CNTNAP2: variants seen among roughly 807,000 people sequenced by gnomAD.
The protein encoded by CNTNAP2 is contactin-associated protein-like 2.
In CNTNAP2, 98 loss-of-function variants were observed where a neutral mutation model predicts 155.2. The observed-to-expected ratio is 0.63, with a 90% CI of 0.54 to 0.75. The LOEUF (loss-of-function observed/expected upper bound fraction) is 0.75, where lower values mean the gene tolerates loss of function less well. Ranked by LOEUF, CNTNAP2 falls within the 30% of genes least tolerant of loss-of-function variation. The pLI is 0.00. For missense variants in CNTNAP2, 1,727 were observed against 1,688.1 expected (o/e 1.02, Z -0.40); for synonymous variants, 651 against 631.2 (o/e 1.03, Z -0.47).
At chr7:146,396,407 AT>A (rs957790921) in intron 1 of CNTNAP2, among the ~76,000 whole-genome samples, 16 of 152,072 alleles carry the variant, frequency 1.1e-4, no homozygotes, top group African/African-American at 3.9e-4. Context: ...AACGAATCTT[AT>A]GGTTTTTATT....
intron 11 of CNTNAP2, among the ~76,000 whole-genome samples, chr7:147,523,589 T>G (rs1371655290): frequency 1.3e-5 from 2 of 152,126 alleles, no homozygotes; most frequent in African/African-American, 2.4e-5. Flanking sequence ...AATTTCCTCT[T>G]CCAGGAAGCT....
intron 6 of CNTNAP2, among the ~76,000 whole-genome samples, chr7:147,124,760 G>A (rs906704193): frequency 2.0e-5 from 3 of 151,934 alleles, no homozygotes; most frequent in Non-Finnish European, 4.4e-5. Context: ...GCACAGCACT[G>A]CTAGCGTAAA....
At chr7:147,712,265 T>C (rs1382445436) in intron 13 of CNTNAP2, among the ~76,000 whole-genome samples, 1 of 152,174 alleles carries the variant, frequency 6.6e-6, no homozygotes, top group Non-Finnish European at 1.5e-5. Context: ...GGAGAGGATG[T>C]GGAGAAATAG....
chr7:146,253,721 A>G (rs1799792426), intron 1 of CNTNAP2, among the ~76,000 whole-genome samples: 1 of 152,196 alleles, frequency 6.6e-6, no homozygotes, highest in Admixed American at 6.5e-5. Context: ...AAAATTTAAA[A>G]TGTAAAAAAT....
At chr7:146,297,573 G>C (rs372167710) in intron 1 of CNTNAP2, among the ~76,000 whole-genome samples, 7 of 152,164 alleles carry the variant, frequency 4.6e-5, no homozygotes, top group African/African-American at 1.7e-4. Flanking sequence ...GCAGGAAAGA[G>C]AAAGAAATAG....
chr7:147,434,653 A>G (rs1797522345), intron 10 of CNTNAP2, among the ~76,000 whole-genome samples: 1 of 152,228 alleles, frequency 6.6e-6, no homozygotes, highest in African/African-American at 2.4e-5. Context: ...GATGCTGACA[A>G]CCAGGTATGA....
intron 1 of CNTNAP2, among the ~76,000 whole-genome samples, chr7:146,416,894 T>C: frequency 6.6e-6 from 1 of 152,136 alleles, no homozygotes; most frequent in East Asian, 1.9e-4. Flanking sequence ...GCACTAAAAA[T>C]ACAATACAAT....
chr7:146,671,904 C>T (rs12534214), intron 1 of CNTNAP2, among the ~76,000 whole-genome samples: 90,723 of 151,774 alleles, frequency 0.6, 31,183 homozygotes, highest in South Asian at 0.85. Context: ...CAACCTCCGC[C>T]GCCTGGGTTC....
chr7:148,197,005 A>C (rs1057135453), intron 18 of CNTNAP2, among the ~76,000 whole-genome samples: 1 of 152,224 alleles, frequency 6.6e-6, no homozygotes, highest in African/African-American at 2.4e-5. Context: ...AAAGGAAAAA[A>C]AACAATGTTA....
intron 17 of CNTNAP2, among the ~76,000 whole-genome samples, chr7:148,159,423 C>A (rs1805473661): frequency 6.6e-6 from 1 of 152,122 alleles, no homozygotes; most frequent in South Asian, 2.1e-4. Flanking sequence ...TACTACAGAT[C>A]CCATTCTGTT....
intron 1 of CNTNAP2, among the ~76,000 whole-genome samples, chr7:146,386,241 T>C (rs1462668203): frequency 1.3e-5 from 2 of 152,260 alleles, no homozygotes; most frequent in East Asian, 3.9e-4. Flanking sequence ...CCTCCTCCCC[T>C]CCATTTGTCC....
intron 16 of CNTNAP2, among the ~76,000 whole-genome samples, chr7:148,121,181 C>T (rs1164745098): frequency 2.0e-5 from 3 of 152,042 alleles, no homozygotes; most frequent in Admixed American, 2.0e-4. Context: ...ATTACAGGGG[C>T]CCGCCACCGC....
intron 4 of CNTNAP2, among the ~76,000 whole-genome samples, chr7:147,068,343 CTTTATTTA>C (rs1054580821): frequency 6.6e-6 from 1 of 152,000 alleles, no homozygotes; most frequent in Non-Finnish European, 1.5e-5. Flanking sequence ...AATAAATTGA[CTTTATTTA>C]TTTATTTGTT....
chr7:148,058,148 C>T (rs191174878), intron 15 of CNTNAP2, among the ~76,000 whole-genome samples: 2 of 152,114 alleles, frequency 1.3e-5, no homozygotes, highest in East Asian at 1.9e-4. Flanking sequence ...GTGTTGATAA[C>T]GTGACTTAGT....
intron 10 of CNTNAP2, among the ~76,000 whole-genome samples, chr7:147,441,922 G>A (rs1797647769): frequency 7.2e-6 from 1 of 139,396 alleles, no homozygotes; most frequent in African/African-American, 2.6e-5. Context: ...GGAGTGGAAT[G>A]ACGTAAGCAC....
chr7:146,737,858 T>C (rs1011016480), intron 1 of CNTNAP2, among the ~76,000 whole-genome samples: 4 of 152,148 alleles, frequency 2.6e-5, no homozygotes, highest in Admixed American at 6.5e-5. Context: ...CTATTGTGTG[T>C]GTGCGTGCAT....
chr7:146,758,009 A>G (rs1802021998), intron 1 of CNTNAP2, among the ~76,000 whole-genome samples: 1 of 152,012 alleles, frequency 6.6e-6, no homozygotes. Context: ...AAGCTTCAAA[A>G]CCAAACAGTG....
At chr7:146,365,141 T>A (rs1795137394) in intron 1 of CNTNAP2, among the ~76,000 whole-genome samples, 1 of 152,184 alleles carries the variant, frequency 6.6e-6, no homozygotes, top group Admixed American at 6.5e-5. Flanking sequence ...TTTATCCAAC[T>A]GCCTCCAATG....
intron 2 of CNTNAP2, among the ~76,000 whole-genome samples, chr7:146,790,079 C>G (rs1470806851): frequency 6.6e-6 from 1 of 151,966 alleles, no homozygotes; most frequent in Non-Finnish European, 1.5e-5. Flanking sequence ...GACCATACTT[C>G]CTGGAAAACT....
Sources: gnomAD v4.1 joint callset for allele counts (sites outside exome capture counted in the v4.1 genomes callset) on GRCh38, gnomAD v4.1.1 for gene constraint, MANE v1.5 for transcripts, NCBI Gene and HGNC (gene_info 2026-07-23, HGNC 2026-07-21) for gene names.